WDFY4: variants seen among roughly 807,000 people sequenced by gnomAD.
The protein encoded by WDFY4 is WDFY family member 4, also known as WD repeat- and FYVE domain-containing protein 4.
Under a neutral mutation model 351.9 loss-of-function variants are expected in WDFY4, and 169 were observed. The ratio of observed to expected loss-of-function variants is 0.48; its 90% CI spans 0.42 to 0.55. WDFY4 has a LOEUF of 0.55. Ranked by LOEUF, WDFY4 falls within the 20% of genes least tolerant of loss-of-function variation. The pLI is 0.00. For missense variants in WDFY4, 3,803 were observed against 3,935.6 expected, an observed-to-expected ratio of 0.97 and a Z score of 0.90; for synonymous variants, 1,622 against 1,574.6, an observed-to-expected ratio of 1.03 and a Z score of -0.71.
chr10:48,778,272 C>A (rs138639382), intron 17 of WDFY4, among the ~76,000 whole-genome samples: 1 of 152,228 alleles, frequency 6.6e-6, no homozygotes, highest in Non-Finnish European at 1.5e-5. Flanking sequence ...TATCGCCAAC[C>A]CTGTTATGTG....
intron 12 of WDFY4, among the ~76,000 whole-genome samples, chr10:48,744,948 T>C (rs2064964420): frequency 2.0e-5 from 3 of 152,234 alleles, no homozygotes; most frequent in African/African-American, 7.2e-5. Flanking sequence ...GCTTCAGCAC[T>C]ATTCACAATT....
At chr10:48,936,982 C>T (rs530647521) in intron 47 of WDFY4, among the ~76,000 whole-genome samples, 40 of 151,818 alleles carry the variant, frequency 2.6e-4, no homozygotes, top group South Asian at 8.3e-4. Context: ...TGCAGTGGCA[C>T]GACCTCGGCT....
At chr10:48,750,004 G>A (rs890888710) in intron 12 of WDFY4, among the ~76,000 whole-genome samples, 4 of 152,142 alleles carry the variant, frequency 2.6e-5, no homozygotes, top group East Asian at 1.9e-4. Context: ...ACAGGAATGC[G>A]GTGTGCTCCA....
At chr10:48,964,845 C>T (rs953702284) in intron 54 of WDFY4, among the ~76,000 whole-genome samples, 1 of 152,182 alleles carries the variant, frequency 6.6e-6, no homozygotes, top group African/African-American at 2.4e-5. Context: ...GTGTTTTGTT[C>T]CAGCCTTCCC....
At chr10:48,805,480 GGACA>G in intron 26 of WDFY4, 59 bp downstream of exon 26, 1 of 1,518,996 alleles carries the variant, frequency 6.6e-7, no homozygotes, top group Non-Finnish European at 8.8e-7. Context: ...TAAAAAGGGA[GGACA>G]GACCCCAGCT....
intron 47 of WDFY4, chr10:48,913,591 T>G (rs372297520): frequency 3.3e-5 from 54 of 1,614,060 alleles, no homozygotes; most frequent in Non-Finnish European, 4.2e-5. Context: ...ATGGAGTCTA[T>G]GAATATTTCC....
At chr10:48,745,706 C>G in intron 12 of WDFY4, 1 of 568,732 alleles carries the variant, frequency 1.8e-6, no homozygotes, top group Non-Finnish European at 3.3e-6. Flanking sequence ...TACTTCCAGC[C>G]AGCCTCTTGA....
At chr10:48,700,223 C>T (rs1163743030) in intron 1 of WDFY4, among the ~76,000 whole-genome samples, 2 of 152,218 alleles carry the variant, frequency 1.3e-5, no homozygotes, top group East Asian at 3.8e-4. Flanking sequence ...CAAGGGCCCA[C>T]AGGAAAGCCT....
intron 2 of WDFY4, among the ~76,000 whole-genome samples, chr10:48,710,568 G>A (rs911144041): frequency 6.6e-6 from 1 of 152,172 alleles, no homozygotes; most frequent in African/African-American, 2.4e-5. Flanking sequence ...AACCCAGTTT[G>A]GGAGCTAGAA....
chr10:48,890,858 A>T (rs1391831409), intron 44 of WDFY4, 131 bp downstream of exon 44: 2 of 1,315,322 alleles, frequency 1.5e-6, no homozygotes, highest in East Asian at 2.5e-5. Flanking sequence ...GAGCCATGAG[A>T]TAAAACAGAA....
rs545063422 is a variant in WDFY4, at chr10:48,727,643, C to T, written c.955C>T (p.Leu319Phe). The change falls in exon 7 of 62, where the codon CTC (leucine) becomes TTC (phenylalanine). Residue 319 changes from leucine (L) to phenylalanine (F), a missense_variant. Coordinates refer to ENST00000325239, the MANE Select transcript of WDFY4 (RefSeq NM_001394531.1). ...GAATTCAGAGGGCTATCCTCTGCTG[C>T]TCAAAGTGTTACTTCGGTAAGTGGC... Reference protein sequence around the residue: ...FENSEGYPLLLKVLLRYDGLT... With the variant: ...FENSEGYPLLFKVLLRYDGLT... 3.9e-6 allele frequency: 6 copies of T among 1,552,032 alleles called. No homozygotes were observed. In the African/African-American group the frequency reaches 8.2e-5, roughly 21 times the overall value.
intron 39 of WDFY4, among the ~76,000 whole-genome samples, chr10:48,853,513 G>A (rs2069025627): frequency 6.6e-6 from 1 of 152,126 alleles, no homozygotes; most frequent in African/African-American, 2.4e-5. Flanking sequence ...ACAATACTGA[G>A]TCCACCATGT....
intron 43 of WDFY4, among the ~76,000 whole-genome samples, chr10:48,882,205 G>A (rs1381862017): frequency 6.6e-6 from 1 of 152,146 alleles, no homozygotes; most frequent in Non-Finnish European, 1.5e-5. Flanking sequence ...GGGTCTTGGG[G>A]GAGCCTGCTC....
chr10:48,884,932 TA>T (rs1227719020), intron 43 of WDFY4, among the ~76,000 whole-genome samples: 1 of 152,222 alleles, frequency 6.6e-6, no homozygotes, highest in Non-Finnish European at 1.5e-5. Context: ...GTAAACATCT[TA>T]AAGGCATGTC....
chr10:48,894,918 A>G (rs12252061), intron 44 of WDFY4, among the ~76,000 whole-genome samples: 1,984 of 152,240 alleles, frequency 0.013, 35 homozygotes, highest in African/African-American at 0.045. Context: ...CCAGATAGAG[A>G]CATTAATAAT....
intron 12 of WDFY4, among the ~76,000 whole-genome samples, chr10:48,757,992 A>C (rs2065386669): frequency 6.6e-6 from 1 of 152,162 alleles, no homozygotes; most frequent in South Asian, 2.1e-4. Flanking sequence ...AGAGAACAAT[A>C]ATAGTGTATT....
intron 47 of WDFY4, among the ~76,000 whole-genome samples, chr10:48,918,747 C>G (rs989139847): frequency 7.6e-6 from 1 of 132,438 alleles, no homozygotes; most frequent in Non-Finnish European, 1.7e-5. Context: ...TTGTTGTCAG[C>G]AGGGGGTAGG....
chr10:48,754,789 G>A (rs929087023), intron 12 of WDFY4, among the ~76,000 whole-genome samples: 4 of 151,918 alleles, frequency 2.6e-5, no homozygotes, highest in African/African-American at 9.7e-5. Flanking sequence ...AATAAATTAC[G>A]CCCAAGCACA....
chr10:48,697,171 A>C (rs981876149), intron 1 of WDFY4, among the ~76,000 whole-genome samples: 1 of 152,226 alleles, frequency 6.6e-6, no homozygotes, highest in African/African-American at 2.4e-5. Context: ...TGGAACACTC[A>C]GGTCTCACCC....
Sources: gnomAD v4.1 joint callset for allele counts (sites outside exome capture counted in the v4.1 genomes callset) on GRCh38, gnomAD v4.1.1 for gene constraint, MANE v1.5 for transcripts, NCBI Gene and HGNC (gene_info 2026-07-23, HGNC 2026-07-21) for gene names.